LAMB4: variants seen among roughly 807,000 people sequenced by gnomAD.
LAMB4 encodes laminin subunit beta 4.
In LAMB4, 196 loss-of-function variants were observed where a neutral mutation model predicts 199.2. That is an observed-to-expected ratio of 0.98 (90% CI 0.88 to 1.11). LAMB4 has a LOEUF of 1.11. Among genes scored for constraint, LAMB4 ranks in the 50% least tolerant of loss-of-function variants. The pLI is 0.00. For missense variants in LAMB4, 2,080 were observed against 2,171.2 expected, an observed-to-expected ratio of 0.96 and a Z score of 0.83; for synonymous variants, 744 against 770.6, an observed-to-expected ratio of 0.97 and a Z score of 0.57.
chr7:108,082,295 A>C (rs545098904), intron 14 of LAMB4, among the ~76,000 whole-genome samples: 29 of 147,084 alleles, frequency 2.0e-4, no homozygotes, highest in Non-Finnish European at 3.3e-4. Context: ...GCACCACTGC[A>C]CTCCAGCCTG....
At chr7:108,057,534 T>C (rs550193307) in intron 24 of LAMB4, among the ~76,000 whole-genome samples, 16 of 152,302 alleles carry the variant, frequency 1.1e-4, no homozygotes, top group African/African-American at 3.8e-4. Flanking sequence ...TACCTGATAT[T>C]TCTTTGGATT....
intron 22 of LAMB4, 136 bp downstream of exon 22, chr7:108,063,625 C>CA: frequency 1.3e-6 from 1 of 762,636 alleles, no homozygotes; most frequent in Non-Finnish European, 2.3e-6. Context: ...TTCCGTACAA[C>CA]AGCCCTGTCA....
At chr7:108,082,148 G>T (rs768492502) in intron 14 of LAMB4, among the ~76,000 whole-genome samples, 2 of 151,998 alleles carry the variant, frequency 1.3e-5, no homozygotes, top group Non-Finnish European at 2.9e-5. Context: ...GGCTAACACG[G>T]TGAAACCCCG....
chr7:108,037,632 C>T, intron 29 of LAMB4, 37 bp from the exon 30 acceptor site: 2 of 1,451,920 alleles, frequency 1.4e-6, no homozygotes, highest in South Asian at 2.3e-5. Context: ...AATCATGTCT[C>T]CTTAACAAAC....
chr7:108,066,989 C>T (rs1328386465), intron 19 of LAMB4, among the ~76,000 whole-genome samples: 1 of 150,886 alleles, frequency 6.6e-6, no homozygotes, highest in African/African-American at 2.4e-5. Flanking sequence ...GATTATAAAC[C>T]ATATAAGAGC....
At chr7:108,111,753 A>G (rs2038231712) in intron 4 of LAMB4, 58 bp downstream of exon 4, 42 of 1,438,136 alleles carry the variant, frequency 2.9e-5, no homozygotes, top group Non-Finnish European at 4.1e-5. Flanking sequence ...TACAAGGAAG[A>G]GGATGTCATA....
chr7:108,025,238 A>G (rs2034788607), intron 33 of LAMB4, among the ~76,000 whole-genome samples: 1 of 152,186 alleles, frequency 6.6e-6, no homozygotes, highest in African/African-American at 2.4e-5. Context: ...AGGCAATAAA[A>G]TGGAAACTAG....
At chr7:108,025,417 C>CCT (rs1563024781) in intron 33 of LAMB4, among the ~76,000 whole-genome samples, 1 of 107,826 alleles carries the variant, frequency 9.3e-6, no homozygotes, top group African/African-American at 6.6e-5. Flanking sequence ...TTCTTTCTTT[C>CCT]TTCTTTCTTT....
At chr7:108,039,321 C>T (rs1429664588) in intron 29 of LAMB4, among the ~76,000 whole-genome samples, 2 of 151,950 alleles carry the variant, frequency 1.3e-5, no homozygotes, top group African/African-American at 2.4e-5. Context: ...AGTCATTTTG[C>T]TTTAGCTATT....
At chr7:108,109,325 T>A in intron 4 of LAMB4, 81 bp from the exon 5 acceptor site, 3 of 1,037,610 alleles carry the variant, frequency 2.9e-6, no homozygotes, top group Non-Finnish European at 4.5e-6. Context: ...TTGTGGCTTA[T>A]CTGTAATAAA....
At chr7:108,093,170 A>G (rs1463940443) in intron 12 of LAMB4, among the ~76,000 whole-genome samples, 1 of 152,030 alleles carries the variant, frequency 6.6e-6, no homozygotes, top group East Asian at 1.9e-4. Context: ...AGGTGGAAGC[A>G]ATTCTCCTGC....
chr7:108,018,434 C>G, the LAMB4 span, among the ~76,000 whole-genome samples: 1 of 152,178 alleles, frequency 6.6e-6, no homozygotes. Flanking sequence ...CCAAAGATCA[C>G]AGCTCCTGTT....
chr7:108,120,003 G>A (rs965675046), intron 2 of LAMB4, among the ~76,000 whole-genome samples: 1 of 152,084 alleles, frequency 6.6e-6, no homozygotes, highest in East Asian at 1.9e-4. Context: ...GGTAAACCAA[G>A]CAAATCCCAG....
At chr7:108,104,761 A>C (rs1430352670) in intron 8 of LAMB4, 142 bp from the exon 9 acceptor site, 5 of 851,352 alleles carry the variant, frequency 5.9e-6, no homozygotes, top group Non-Finnish European at 8.6e-6. Flanking sequence ...ACCAACCTTG[A>C]TTATCTTCTA....
chr7:108,104,528 G>A lies in LAMB4; in HGVS notation c.962C>T (p.Ala321Val), dbSNP rs752978187. Residue 321 changes from alanine to valine, a missense_variant, in exon 9 of 34, where the codon GCT (alanine) becomes GTT (valine). Transcript: ENST00000388781. ...DFFQDAPWRPAADLQDNACRS... is the reference protein window; with the variant it reads ...DFFQDAPWRPVADLQDNACRS... ...GCAAGCGTTGTCCTGGAGGTCTGCA[G>A]CTGGCCTCCAAGGAGCATCCTGGAA... 1.2e-6 allele frequency: 2 copies of A among 1,614,256 alleles called. No individual in the cohort carries two copies. Among genetic ancestry groups the A allele is most frequent in the Admixed American group, 1.7e-5 (1 of 60,030 alleles).
intron 6 of LAMB4, 103 bp from the exon 7 acceptor site, chr7:108,106,675 C>A: frequency 1.5e-6 from 1 of 648,358 alleles, no homozygotes. Flanking sequence ...AGAAATCTTA[C>A]CACTTCAGCC....
chr7:108,073,451 T>G (rs1409014842), intron 17 of LAMB4, among the ~76,000 whole-genome samples: 1 of 152,248 alleles, frequency 6.6e-6, no homozygotes, highest in South Asian at 2.1e-4. Context: ...TTTTTTACTC[T>G]AAACACAGTT....
chr7:108,081,231 T>C (rs2036925051), intron 14 of LAMB4, among the ~76,000 whole-genome samples: 1 of 152,252 alleles, frequency 6.6e-6, no homozygotes, highest in Non-Finnish European at 1.5e-5. Flanking sequence ...GTGTGGCTGC[T>C]GACAGCTCAC....
chr7:108,092,973 G>A (rs1241249410), intron 12 of LAMB4, among the ~76,000 whole-genome samples: 3 of 152,140 alleles, frequency 2.0e-5, no homozygotes, highest in African/African-American at 7.2e-5. Context: ...AAAGAAATGG[G>A]AGCCTTAACA....
Sources: allele counts gnomAD v4.1 joint callset (sites outside exome capture counted in the v4.1 genomes callset), GRCh38; gene constraint gnomAD v4.1.1; transcripts MANE v1.5; gene names NCBI Gene and HGNC (gene_info 2026-07-23, HGNC 2026-07-21).